Variants in RASSF5 observed in about 807,000 individuals in gnomAD.
RASSF5 encodes ras association domain-containing protein 5.
A neutral mutation model predicts 40.5 loss-of-function variants in RASSF5; 25 were observed. The ratio of observed to expected loss-of-function variants is 0.62; its 90% CI spans 0.45 to 0.86. The LOEUF is 0.86. Ranked by LOEUF, RASSF5 falls within the 40% of genes least tolerant of loss-of-function variation. The pLI is 0.00. For missense variants in RASSF5, 521 were observed against 572.8 expected (o/e 0.91, Z 0.92); for synonymous variants, 246 against 252.4 (o/e 0.97, Z 0.24).
chr1:206,546,939 G>A (rs1667708788), intron 2 of RASSF5, among the ~76,000 whole-genome samples: 1 of 152,102 alleles, frequency 6.6e-6, no homozygotes, highest in Non-Finnish European at 1.5e-5. Context: ...GCTCATCACA[G>A]TCTACCTGTC....
At chr1:206,515,460 T>C (rs1184042564) in intron 1 of RASSF5, among the ~76,000 whole-genome samples, 1 of 152,188 alleles carries the variant, frequency 6.6e-6, no homozygotes, top group Non-Finnish European at 1.5e-5. Flanking sequence ...GGAGGATCTT[T>C]TTCTGTTCCA....
Position 206,518,107 on chromosome 1 carries a change from C to T in RASSF5, c.457+10048C>T, listed in dbSNP as rs369847393. Among the ~76,000 whole-genome samples the T allele has an allele frequency of 1.8e-4, 28 of 152,298 alleles. 1 individual carries two copies. In the East Asian group the frequency reaches 3.5e-3, roughly 19 times the overall value. On this transcript the variant is annotated intron_variant, in intron 1 of 5. Transcript: ENST00000579436. ...ACAGGCGCGACTGAGAAGTGAGGCT[C>T]GGGGCAGGCTCTTCCCTGCAGCCTG...
Position 206,584,467 on chromosome 1 carries a change from G to T in RASSF5, c.771G>T (p.Arg257=). ...CTGTGACGGTGCCTGCTGGGATCCGGCCCCAGTCCATCTATGATGCCATCA... is the reference window on the plus strand; with the variant it reads ...CTGTGACGGTGCCTGCTGGGATCCGTCCCCAGTCCATCTATGATGCCATCA... ...RRPVTVPAGI[R]PQSIYDAIKE... is the part of the protein sequence containing the mutation. The change falls in exon 4 of 6, where the codon CGG becomes CGT. Residue 257 remains arginine, a synonymous_variant. Coordinates refer to ENST00000579436, the MANE Select transcript of RASSF5 (RefSeq NM_182663.4). The surrounding 1 kb of genome is among the most constrained non-coding windows in gnomAD (Gnocchi z 4.9). 6.2e-7 allele frequency: 1 copy of T among 1,614,130 alleles called. No individual in the cohort carries two copies.
chr1:206,573,856 A>G (rs1668540169), intron 2 of RASSF5, among the ~76,000 whole-genome samples: 1 of 152,192 alleles, frequency 6.6e-6, no homozygotes, highest in Non-Finnish European at 1.5e-5. Context: ...AAAAAACAAA[A>G]TAGAAATCGG....
intron 1 of RASSF5, chr1:206,528,838 G>A: frequency 2.4e-6 from 1 of 415,448 alleles, no homozygotes; most frequent in Non-Finnish European, 4.2e-6. Flanking sequence ...AGGAGTTTGA[G>A]ACCAGCCTGG....
chr1:206,570,241 A>G lies in RASSF5; in HGVS notation c.580-13028A>G, dbSNP rs112525702. Among the ~76,000 whole-genome samples the G allele has an allele frequency of 7.0e-3, 1,070 of 151,874 alleles. 15 individuals are homozygous for G. The highest frequency in any genetic ancestry group is 0.021 in the African/African-American group (858 of 41,402). On this transcript the variant is annotated intron_variant, in intron 2 of 5. Coordinates refer to ENST00000579436, the MANE Select transcript of RASSF5 (RefSeq NM_182663.4). ...CGAGTAGCTGGCACTACAGGCATGG[A>G]CCACCACGCTTGGCTAATTTTTTTG...
In RASSF5 at chr1:206,529,922, AT is replaced by A. The variant is rs1465721452; in HGVS notation, c.458-8249del. Among the ~76,000 whole-genome samples the A allele has an allele frequency of 4.6e-5, 7 of 152,262 alleles. No homozygotes were observed. In the South Asian group the frequency reaches 6.2e-4, roughly 14 times the overall value. ...ACAGTGAGACCCTGCCTCAAAAAAA[AT>A]AAATACAATAAAATAAAAATTAAAA... On this transcript the variant is annotated intron_variant, in intron 1 of 5. Transcript: ENST00000579436.
chr1:206,519,573 G>A (rs1334807719), intron 1 of RASSF5, among the ~76,000 whole-genome samples: 5 of 152,124 alleles, frequency 3.3e-5, no homozygotes, highest in African/African-American at 1.2e-4. Flanking sequence ...TTTAACGGTT[G>A]GCACTCTTTG....
Position 206,538,191 on chromosome 1 carries a change from C to G in RASSF5, c.477C>G (p.His159Gln). ...CTCCAGACTGTAAATTCACCTGTCA[C>G]CCAGAATGCCGCAGCCTGATCCAGT... ...LRCTNCKFTC[H>Q]PECRSLIQLD... Residue 159 changes from histidine to glutamine, a missense_variant, in exon 2 of 6, where the codon CAC becomes CAG. Physicochemically the swap from His to Gln is conservative, Grantham distance 24 (BLOSUM62 0). Transcript: ENST00000579436. The G allele has an allele frequency of 1.9e-6, 3 of 1,614,220 alleles. No individual in the cohort carries two copies. The South Asian group carries it at 3.3e-5, about 18-fold the overall frequency.
chr1:206,538,351 C>T, intron 2 of RASSF5, 58 bp downstream of exon 2: 1 of 1,601,884 alleles, frequency 6.2e-7, no homozygotes, highest in African/African-American at 1.3e-5. Context: ...GCCCCGGGCT[C>T]CACTTTCTCT....
chr1:206,583,228 GAAC>G (rs781819178), intron 2 of RASSF5, 38 bp from the exon 3 acceptor site: 8 of 1,349,238 alleles, frequency 5.9e-6, no homozygotes, highest in Non-Finnish European at 7.4e-6. Flanking sequence ...CTCACCCTGA[GAAC>G]TACTACACAT....
At chr1:206,524,653 TTATGTATAATATATATTATATATA>T (rs1558499061) in intron 1 of RASSF5, among the ~76,000 whole-genome samples, 1 of 130,354 alleles carries the variant, frequency 7.7e-6, no homozygotes, top group African/African-American at 3.1e-5. Context: ...ATATTATATA[TTATGTATAATATATATTATATATA>T]ATATATATTT....
chr1:206,570,547 A>C, intron 2 of RASSF5, among the ~76,000 whole-genome samples: 1 of 147,896 alleles, frequency 6.8e-6, no homozygotes, highest in Non-Finnish European at 1.5e-5. Context: ...ATTAAACAGT[A>C]ACTCACTATT....
intron 1 of RASSF5, among the ~76,000 whole-genome samples, chr1:206,534,721 T>A (rs143098967): frequency 0.015 from 2,290 of 152,296 alleles, 57 homozygotes; most frequent in African/African-American, 0.052. Flanking sequence ...CACATGTGCA[T>A]CACATCTGCC....
At chr1:206,510,257 A>T (rs1666581875) in intron 1 of RASSF5, among the ~76,000 whole-genome samples, 1 of 152,036 alleles carries the variant, frequency 6.6e-6, no homozygotes, top group African/African-American at 2.4e-5. Flanking sequence ...ATAGGACTTT[A>T]AAAAAAATCA....
intron 1 of RASSF5, among the ~76,000 whole-genome samples, chr1:206,519,608 C>T (rs954988126): frequency 1.3e-5 from 2 of 152,062 alleles, no homozygotes; most frequent in African/African-American, 2.4e-5. Context: ...TTCTTGGGGC[C>T]CCCTGTCCCC....
At chr1:206,529,578 G>C in intron 1 of RASSF5, 1 of 800,216 alleles carries the variant, frequency 1.2e-6, no homozygotes, top group Non-Finnish European at 2.2e-6. Flanking sequence ...TATCAGGACC[G>C]ATTACAATGA....
chr1:206,559,556 C>T (rs930255907), intron 2 of RASSF5, among the ~76,000 whole-genome samples: 2 of 152,188 alleles, frequency 1.3e-5, no homozygotes, highest in Non-Finnish European at 2.9e-5. Flanking sequence ...TTGGTTTGGT[C>T]CCTGCAGAAA....
intron 2 of RASSF5, among the ~76,000 whole-genome samples, chr1:206,555,930 C>T (rs1289354786): frequency 3.3e-5 from 5 of 152,082 alleles, no homozygotes; most frequent in East Asian, 1.9e-4. Context: ...GCTTGGTGTC[C>T]GGGGGGCTGA....
Sources: allele counts gnomAD v4.1 joint callset (sites outside exome capture counted in the v4.1 genomes callset), GRCh38; gene constraint gnomAD v4.1.1; non-coding constraint Gnocchi (gnomAD v3.1); transcripts MANE v1.5; gene names NCBI Gene and HGNC (gene_info 2026-07-23, HGNC 2026-07-21).